The following MAPK4 variants were observed in gnomAD, a reference collection of about 807,000 sequenced individuals.
MAPK4 encodes Erk3-related.
A neutral mutation model predicts 47.7 loss-of-function variants in MAPK4; 22 were observed. That is an observed-to-expected ratio of 0.46 (90% confidence interval 0.33 to 0.66). The LOEUF is 0.66. Ranked by LOEUF, MAPK4 falls within the 30% of genes least tolerant of loss-of-function variation. The pLI, the probability that MAPK4 is intolerant of heterozygous loss-of-function variation, is 0.02. For missense variants in MAPK4, 736 were observed against 831.7 expected, an observed-to-expected ratio of 0.88 and a Z score of 1.42; for synonymous variants, 390 against 365.7, an observed-to-expected ratio of 1.07 and a Z score of -0.76.
intron 2 of MAPK4, among the ~76,000 whole-genome samples, chr18:50,681,574 C>A (rs1174454760): frequency 6.6e-6 from 1 of 152,108 alleles, no homozygotes; most frequent in Non-Finnish European, 1.5e-5. Flanking sequence ...GGTCTTTGAT[C>A]CATTTTTTAG....
intron 2 of MAPK4, among the ~76,000 whole-genome samples, chr18:50,709,074 T>G (rs1048795884): frequency 3.3e-5 from 5 of 152,176 alleles, no homozygotes; most frequent in African/African-American, 1.2e-4. Context: ...CTCTTCTACA[T>G]GACAGCCTTG....
At chr18:50,656,898 T>G (rs1000368989) in intron 1 of MAPK4, among the ~76,000 whole-genome samples, 20 of 151,352 alleles carry the variant, frequency 1.3e-4, no homozygotes, top group Non-Finnish European at 2.5e-4. Context: ...CAGCCTCAAG[T>G]AAAAAAAAAT....
chr18:50,562,873 A>T (rs1292136757), intron 1 of MAPK4, among the ~76,000 whole-genome samples: 1 of 152,198 alleles, frequency 6.6e-6, no homozygotes, highest in African/African-American at 2.4e-5. Flanking sequence ...CTGGAATTTG[A>T]CATAAAAAAT....
rs138118885 is a variant in MAPK4 at position 50,688,392 on chromosome 18, T to C, written c.546+23888T>C. On this transcript the variant is annotated intron_variant, in intron 2 of 5. Transcript: ENST00000400384. Reference sequence around the variant, plus strand: ...GGCCCCAAACAGCAGTAAGCCTATCTCTAAAGAGCTGAGGTCAGAAAAGGC... The same window carrying C: ...GGCCCCAAACAGCAGTAAGCCTATCCCTAAAGAGCTGAGGTCAGAAAAGGC... 5.3e-5 allele frequency among the ~76,000 whole-genome samples: 8 copies of C among 152,246 alleles called. No homozygotes were observed. The East Asian group carries it at 1.5e-3, about 29-fold the overall frequency.
intron 2 of MAPK4, among the ~76,000 whole-genome samples, chr18:50,679,802 C>T (rs1346250020): frequency 1.3e-5 from 2 of 152,174 alleles, no homozygotes; most frequent in African/African-American, 2.4e-5. Context: ...CCTCCCTGGG[C>T]CCCACTGTGA....
intron 1 of MAPK4, among the ~76,000 whole-genome samples, chr18:50,650,529 T>C (rs899035027): frequency 1.3e-5 from 2 of 152,224 alleles, no homozygotes; most frequent in African/African-American, 4.8e-5. Flanking sequence ...AGGCATCTTT[T>C]GTGGCTGGCC....
intron 1 of MAPK4, among the ~76,000 whole-genome samples, chr18:50,609,068 G>T (rs1216417131): frequency 2.0e-5 from 3 of 152,132 alleles, no homozygotes; most frequent in East Asian, 1.9e-4. Context: ...GCATCCCAAG[G>T]CAGAAGAATT....
chr18:50,665,132 C>A (rs1230772598), intron 2 of MAPK4, among the ~76,000 whole-genome samples: 1 of 152,216 alleles, frequency 6.6e-6, no homozygotes, highest in Non-Finnish European at 1.5e-5. Flanking sequence ...GGTACTATTG[C>A]GATTCCCCGT....
At chr18:50,618,463 T>G (rs1486192570) in intron 1 of MAPK4, among the ~76,000 whole-genome samples, 1 of 152,234 alleles carries the variant, frequency 6.6e-6, no homozygotes, top group East Asian at 1.9e-4. Flanking sequence ...CATACATTTC[T>G]GTATCAACAC....
intron 1 of MAPK4, among the ~76,000 whole-genome samples, chr18:50,655,534 G>C (rs1246579320): frequency 6.6e-6 from 1 of 152,142 alleles, no homozygotes; most frequent in Non-Finnish European, 1.5e-5. Context: ...CACTCCACAC[G>C]AACCACTGCA....
chr18:50,710,652 C>A (rs1395947419), intron 2 of MAPK4, among the ~76,000 whole-genome samples: 1 of 150,550 alleles, frequency 6.6e-6, no homozygotes, highest in Non-Finnish European at 1.5e-5. Flanking sequence ...TGGTGGCAGG[C>A]ACCTGCAGTC....
At chr18:50,560,969 A>G (rs1048163296) in intron 1 of MAPK4, among the ~76,000 whole-genome samples, 3 of 152,090 alleles carry the variant, frequency 2.0e-5, no homozygotes, top group South Asian at 4.1e-4. Context: ...TCTGCCAGCT[A>G]CTCTACGGAA....
At chr18:50,686,654 C>A (rs768070196) in intron 2 of MAPK4, among the ~76,000 whole-genome samples, 8 of 152,214 alleles carry the variant, frequency 5.3e-5, no homozygotes, top group Non-Finnish European at 1.2e-4. Flanking sequence ...TTTTCTCCAT[C>A]CAATGTGAGC....
chr18:50,642,377 A>G (rs2042948344), intron 1 of MAPK4, among the ~76,000 whole-genome samples: 1 of 152,196 alleles, frequency 6.6e-6, no homozygotes, highest in Non-Finnish European at 1.5e-5. Flanking sequence ...TCAATTGATC[A>G]TTCTAAATTA....
intron 2 of MAPK4, among the ~76,000 whole-genome samples, chr18:50,686,808 T>G (rs1908907231): frequency 6.6e-6 from 1 of 152,198 alleles, no homozygotes; most frequent in African/African-American, 2.4e-5. Flanking sequence ...AAGCAGAGAT[T>G]AGACAGAGGT....
chr18:50,728,347 G>A (rs1032813427), intron 5 of MAPK4, among the ~76,000 whole-genome samples: 19 of 152,216 alleles, frequency 1.2e-4, no homozygotes, highest in Admixed American at 9.8e-4. Flanking sequence ...GCAGTCGAAC[G>A]GGGCAGAATG....
chr18:50,691,304 A>C (rs1298112954), intron 2 of MAPK4, among the ~76,000 whole-genome samples: 1 of 151,728 alleles, frequency 6.6e-6, no homozygotes. Context: ...AAAAAATACA[A>C]ATCTAAATGC....
At chr18:50,724,407 T>C (rs1213838334) in intron 4 of MAPK4, among the ~76,000 whole-genome samples, 1 of 152,218 alleles carries the variant, frequency 6.6e-6, no homozygotes. Context: ...GCTTTAATTC[T>C]CTCATTTCCT....
At chr18:50,722,125 A>C in intron 4 of MAPK4, 26 bp downstream of exon 4, 4 of 1,605,738 alleles carry the variant, frequency 2.5e-6, no homozygotes, top group Non-Finnish European at 3.4e-6. Context: ...AGCCAGGCCA[A>C]GTGTCCTGGG....
Sources: gnomAD v4.1 joint callset for allele counts (sites outside exome capture counted in the v4.1 genomes callset) on GRCh38, gnomAD v4.1.1 for gene constraint, MANE v1.5 for transcripts, NCBI Gene and HGNC (gene_info 2026-07-23, HGNC 2026-07-21) for gene names.